ANK3: variants seen among roughly 807,000 people sequenced by gnomAD.
ANK3 encodes the protein ankyrin 3, also known as ankyrin-3.
Under a neutral mutation model 370.9 loss-of-function variants are expected in ANK3, and 57 were observed. That is an observed-to-expected ratio of 0.15 (90% confidence interval 0.12 to 0.19). ANK3 has a LOEUF of 0.19. ANK3 is among the 10% of genes least tolerant of loss of function. The probability of loss-of-function intolerance (pLI) is 1.00; values close to 1 mark genes in which losing one functional copy is unlikely to be tolerated. For synonymous variants in ANK3, 1,929 were observed against 1,946.3 expected (o/e 0.99, Z 0.23); for missense variants, 4,439 against 5,302.1 (o/e 0.84, Z 5.06).
intron 1 of ANK3, among the ~76,000 whole-genome samples, chr10:60,622,313 C>T (rs2078348491): frequency 6.6e-6 from 1 of 151,668 alleles, no homozygotes; most frequent in Non-Finnish European, 1.5e-5. Context: ...AGCATGATCT[C>T]GGCTCACTGC....
At chr10:60,053,623 A>G in intron 42 of ANK3, 1 of 1,259,010 alleles carries the variant, frequency 7.9e-7, no homozygotes, top group Non-Finnish European at 1.0e-6. Flanking sequence ...TTTTCTCAGT[A>G]CTCTTTGCCA....
At chr10:60,493,764 A>C (rs780189493) in intron 2 of ANK3, among the ~76,000 whole-genome samples, 2 of 152,106 alleles carry the variant, frequency 1.3e-5, no homozygotes, top group African/African-American at 4.8e-5. Flanking sequence ...TGTAAGAACT[A>C]TCATTACACA....
chr10:60,117,159 A>G (rs979212787), intron 25 of ANK3, among the ~76,000 whole-genome samples: 2 of 152,224 alleles, frequency 1.3e-5, no homozygotes, highest in East Asian at 1.9e-4. Context: ...CTTAAAAAAC[A>G]TATTTCTCAT....
At chr10:60,648,527 T>C (rs568575827) in intron 1 of ANK3, among the ~76,000 whole-genome samples, 79 of 145,450 alleles carry the variant, frequency 5.4e-4, no homozygotes, top group African/African-American at 1.9e-3. Flanking sequence ...TCCTAGCACT[T>C]TGGGAGGCCG....
chr10:60,614,238 C>T (rs1277111444), intron 2 of ANK3, among the ~76,000 whole-genome samples: 1 of 152,062 alleles, frequency 6.6e-6, no homozygotes, highest in Non-Finnish European at 1.5e-5. Context: ...ACCAAAATGG[C>T]AATTTCACAA....
At chr10:60,031,239 C>T (rs2073453472) in intron 43 of ANK3, among the ~76,000 whole-genome samples, 1 of 152,114 alleles carries the variant, frequency 6.6e-6, no homozygotes, top group Admixed American at 6.5e-5. Flanking sequence ...AAAGAACTTT[C>T]GCTTTTCCTG....
intron 21 of ANK3, among the ~76,000 whole-genome samples, 169 bp downstream of exon 21, chr10:60,172,139 A>G (rs556080624): frequency 6.6e-6 from 1 of 152,340 alleles, no homozygotes; most frequent in African/African-American, 2.4e-5. Context: ...ACTTTTATTC[A>G]TATTAGCAAT....
chr10:60,279,561 CTCCATTTT>C lies in ANK3; in HGVS notation c.185_192del (p.Lys62SerfsTer2). ...ACCTGATTGCAAATGTTGATGTCAA[CTCCATTTT>C]TTATGTAGTCGAGGGCCTTTTCAAG... is the stretch of plus-strand genomic sequence containing the variant. On this transcript the variant is annotated frameshift_variant, in exon 2 of 44. Transcript: ENST00000280772. LOFTEE classifies it high-confidence loss of function. 1 of 1,610,868 alleles carries C rather than the reference CTCCATTTT, an allele frequency of 6.2e-7. No homozygotes were observed. Among genetic ancestry groups the C allele is most frequent in the Non-Finnish European group, 8.5e-7 (1 of 1,179,232 alleles).
chr10:60,454,607 T>C (rs766151620), intron 2 of ANK3, among the ~76,000 whole-genome samples: 1 of 152,110 alleles, frequency 6.6e-6, no homozygotes, highest in Non-Finnish European at 1.5e-5. Flanking sequence ...AGGACAAAAA[T>C]AGGCCACCCT....
At chr10:60,445,867 A>C (rs2064432778) in intron 2 of ANK3, among the ~76,000 whole-genome samples, 1 of 152,218 alleles carries the variant, frequency 6.6e-6, no homozygotes, top group African/African-American at 2.4e-5. Context: ...AAAGTAGACA[A>C]AGGCTTTCTC....
intron 5 of ANK3, among the ~76,000 whole-genome samples, chr10:60,265,124 T>A (rs185788057): frequency 6.6e-6 from 1 of 152,188 alleles, no homozygotes; most frequent in Non-Finnish European, 1.5e-5. Context: ...TTGAACTTTA[T>A]TGTCTTAGCA....
chr10:60,487,447 A>G (rs1379272379), intron 2 of ANK3, among the ~76,000 whole-genome samples: 1 of 152,224 alleles, frequency 6.6e-6, no homozygotes, highest in Non-Finnish European at 1.5e-5. Flanking sequence ...GAGATAGAAA[A>G]GACATCAATA....
chr10:60,688,162 C>T (rs776144570), intron 1 of ANK3, among the ~76,000 whole-genome samples: 1 of 152,054 alleles, frequency 6.6e-6, no homozygotes, highest in Non-Finnish European at 1.5e-5. Context: ...CTCTGCCTGC[C>T]AGGTTCAAGT....
chr10:60,405,557 A>G (rs912933145), intron 2 of ANK3, among the ~76,000 whole-genome samples: 10 of 152,196 alleles, frequency 6.6e-5, no homozygotes, highest in African/African-American at 1.4e-4. Flanking sequence ...TTGTGTCTCA[A>G]AAAGATCTGT....
At chr10:60,726,477 T>A (rs2079942572) in intron 1 of ANK3, among the ~76,000 whole-genome samples, 1 of 152,210 alleles carries the variant, frequency 6.6e-6, no homozygotes, top group African/African-American at 2.4e-5. Context: ...AAGTGCTCTA[T>A]GTGCATTAGT....
chr10:60,051,785 ATGTG>A (rs5785428), intron 42 of ANK3, among the ~76,000 whole-genome samples: 10 of 148,178 alleles, frequency 6.7e-5, no homozygotes, highest in African/African-American at 1.5e-4. Context: ...TACTCTGTGC[ATGTG>A]TGTGTGTGTG....
At chr10:60,354,442 C>T (rs2057412966) in intron 1 of ANK3, among the ~76,000 whole-genome samples, 1 of 152,210 alleles carries the variant, frequency 6.6e-6, no homozygotes, top group Non-Finnish European at 1.5e-5. Flanking sequence ...CAGTAGTAAA[C>T]TGCTTTCATT....
chr10:60,405,799 A>C (rs1016356133), intron 2 of ANK3, among the ~76,000 whole-genome samples: 2 of 152,226 alleles, frequency 1.3e-5, no homozygotes, highest in African/African-American at 4.8e-5. Context: ...GTATATAGGT[A>C]ATAAAACAAA....
intron 18 of ANK3, among the ~76,000 whole-genome samples, chr10:60,178,118 A>G (rs1378165915): frequency 2.6e-5 from 4 of 152,190 alleles, no homozygotes; most frequent in South Asian, 4.1e-4. Context: ...TGCAAACAGG[A>G]TAAAAAGCTG....
Sources: gnomAD v4.1 joint callset for allele counts (sites outside exome capture counted in the v4.1 genomes callset) on GRCh38, gnomAD v4.1.1 for gene constraint, MANE v1.5 for transcripts, NCBI Gene and HGNC (gene_info 2026-07-23, HGNC 2026-07-21) for gene names.